The following ZNF91 variants were observed in gnomAD, a reference collection of about 807,000 sequenced individuals.
ZNF91 encodes the protein zinc finger protein 91.
Under a neutral mutation model 12.6 loss-of-function variants are expected in ZNF91, and 7 were observed. The ratio of observed to expected loss-of-function variants is 0.55; its 90% CI spans 0.31 to 1.04. ZNF91 has a LOEUF of 1.04. Ranked by LOEUF, ZNF91 falls within the 50% of genes least tolerant of loss-of-function variation. The pLI is 0.05. For synonymous variants in ZNF91, 453 were observed against 462.6 expected, an observed-to-expected ratio of 0.98 and a Z score of 0.27; for missense variants, 1,217 against 1,385.4, an observed-to-expected ratio of 0.88 and a Z score of 1.93.
chr19:23,346,573 C>G (rs898631554), intron 3 of ZNF91, among the ~76,000 whole-genome samples: 5 of 152,102 alleles, frequency 3.3e-5, no homozygotes, highest in African/African-American at 1.2e-4. Context: ...CAACGTAGAC[C>G]CAGCTATCCC....
At chr19:23,385,377 C>T in intron 1 of ZNF91, 1 of 339,958 alleles carries the variant, frequency 2.9e-6, no homozygotes, top group East Asian at 4.6e-5. Flanking sequence ...GCTTCTGAAG[C>T]TGTATTTGCA....
chr19:23,331,645 A>C (rs570545133), intron 1 of ZNF91, among the ~76,000 whole-genome samples: 256 of 152,274 alleles, frequency 1.7e-3, no homozygotes, highest in Admixed American at 3.1e-3. Context: ...CTCTAGATGT[A>C]GATGTGGTGA....
At chr19:23,368,510 ATCTC>A (rs573590418) in intron 3 of ZNF91, among the ~76,000 whole-genome samples, 16,137 of 93,940 alleles carry the variant, frequency 0.17, 1,463 homozygotes, top group East Asian at 0.43. Context: ...GCGAAACTCC[ATCTC>A]TCTCTCTCTC....
intron 1 of ZNF91, among the ~76,000 whole-genome samples, chr19:23,329,422 T>C (rs1044919231): frequency 5.9e-5 from 9 of 152,198 alleles, no homozygotes; most frequent in African/African-American, 1.9e-4. Flanking sequence ...CATTTCTTAA[T>C]TGAAAGCCCA....
chr19:23,376,171 T>G (rs1238021279), intron 1 of ZNF91, among the ~76,000 whole-genome samples: 1 of 152,190 alleles, frequency 6.6e-6, no homozygotes, highest in East Asian at 1.9e-4. Flanking sequence ...TTATATGTTC[T>G]CCATCTTCAC....
chr19:23,345,198 C>T (rs1968197881), intron 3 of ZNF91, among the ~76,000 whole-genome samples: 1 of 152,202 alleles, frequency 6.6e-6, no homozygotes, highest in Non-Finnish European at 1.5e-5. Context: ...CATCTCCCTC[C>T]AGCTTCCCAG....
exon 4 of ZNF91, chr19:23,305,017 T>C (rs1967379525): frequency 6.6e-6 from 1 of 152,176 alleles, no homozygotes; most frequent in Non-Finnish European, 1.5e-5. Context: ...TTTCAGGAAC[T>C]GTTTATTTTT....
exon 3 of ZNF91, chr19:23,307,371 G>A (rs1015591821): frequency 6.6e-6 from 1 of 152,148 alleles, no homozygotes; most frequent in East Asian, 1.9e-4. Flanking sequence ...GAGCTTAGGT[G>A]ATATGACCCT....
rs897714921 is a variant in ZNF91 at position 23,357,917 on chromosome 19, T to A, written c.*1486A>T. ...TCAAAATATGCCACATATGGCATAA[T>A]ATGTACACATATTAGGTATCCACAA... On this transcript the variant is annotated 3_prime_UTR_variant, in exon 4 of 4. Coordinates refer to ENST00000300619, the MANE Select transcript of ZNF91 (RefSeq NM_003430.4). 2.6e-5 allele frequency: 4 copies of A among 152,166 alleles called. No individual in the cohort carries two copies. The highest frequency in any genetic ancestry group is 9.6e-5 in the African/African-American group (4 of 41,454). 9.4% of individuals were successfully genotyped at this position (152,166 alleles called of 1,614,324 possible). A position where few individuals can be genotyped will look rare whatever the true frequency, so the allele number is the denominator to read the frequency against.
intron 3 of ZNF91, among the ~76,000 whole-genome samples, chr19:23,351,341 A>G (rs899006963): frequency 4.6e-5 from 7 of 151,930 alleles, no homozygotes; most frequent in Non-Finnish European, 1.0e-4. Flanking sequence ...GAAAAAAAAA[A>G]AAAAGAAAGA....
chr19:23,313,845 A>G (rs1228929001), upstream of ZNF91, among the ~76,000 whole-genome samples: 1 of 152,214 alleles, frequency 6.6e-6, no homozygotes, highest in African/African-American at 2.4e-5. Context: ...TGAAGTTCTC[A>G]TGCACAAATT....
chr19:23,344,874 C>T lies in ZNF91; in HGVS notation c.254-5820G>A, dbSNP rs114127789. ...ACAGTTGGCAGGAAGACACATACCC[C>T]CTGAAGATCCAGAGGGAGGCCATCT... On this transcript the variant is annotated intron_variant, in intron 3 of 3. Transcript: ENST00000599743. Among the ~76,000 whole-genome samples the T allele has an allele frequency of 6.0e-3, 915 of 152,308 alleles. 10 individuals are homozygous for T. The highest frequency in any genetic ancestry group is 0.021 in the African/African-American group (866 of 41,548).
At chr19:23,357,623 G>C, downstream of ZNF91, 1 of 152,116 alleles carries the variant, frequency 6.6e-6, no homozygotes, top group East Asian at 1.9e-4. Flanking sequence ...ATATGTGCTT[G>C]CAGGCAGAGG....
At chr19:23,356,255 C>T (rs1002564804), downstream of ZNF91, among the ~76,000 whole-genome samples, 1 of 152,000 alleles carries the variant, frequency 6.6e-6, no homozygotes, top group African/African-American at 2.4e-5. Flanking sequence ...ATTGTAAAAT[C>T]GTGGAACCAA....
intron 3 of ZNF91, chr19:23,339,605 T>G (rs1261745505): frequency 3.3e-5 from 5 of 152,170 alleles, no homozygotes; most frequent in Admixed American, 6.5e-5. Flanking sequence ...ACAAAGAATT[T>G]AAATAACATA....
intron 3 of ZNF91, among the ~76,000 whole-genome samples, chr19:23,344,481 T>G (rs1968181425): frequency 6.6e-6 from 1 of 152,212 alleles, no homozygotes; most frequent in Non-Finnish European, 1.5e-5. Context: ...GTTTTGTAAT[T>G]TCTAGCAGTC....
At chr19:23,384,538 C>G (rs1234290532) in intron 1 of ZNF91, 1 of 1,152,156 alleles carries the variant, frequency 8.7e-7, no homozygotes, top group African/African-American at 1.6e-5. Flanking sequence ...AAATGCCAGC[C>G]AAGGCCCCAA....
chr19:23,365,440 CA>C (rs2145071328), intron 3 of ZNF91, among the ~76,000 whole-genome samples: 1 of 151,744 alleles, frequency 6.6e-6, no homozygotes, highest in African/African-American at 2.4e-5. Flanking sequence ...CTGTAAATAA[CA>C]ATAAGAAATG....
chr19:23,377,815 A>T (rs1448817891), intron 1 of ZNF91, among the ~76,000 whole-genome samples: 4 of 152,224 alleles, frequency 2.6e-5, no homozygotes, highest in Non-Finnish European at 4.4e-5. Flanking sequence ...GTACTATGTA[A>T]TCAACAGGAT....
Sources: gnomAD v4.1 joint callset for allele counts (sites outside exome capture counted in the v4.1 genomes callset) on GRCh38, gnomAD v4.1.1 for gene constraint, MANE v1.5 for transcripts, NCBI Gene and HGNC (gene_info 2026-07-23, HGNC 2026-07-21) for gene names.